OR7C1: variants seen among roughly 807,000 people sequenced by gnomAD.
OR7C1 encodes olfactory receptor 7C1.
For synonymous variants in OR7C1, 152 were observed against 160.7 expected (o/e 0.95, Z 0.41); for missense variants, 324 against 383.3 (o/e 0.85, Z 1.29).
rs114470284 is a variant in OR7C1 at position 14,816,381 on chromosome 19, G to A, written c.-622-6388C>T. ...AAGGAGGCAGACCCACCCTCAATCC[G>A]TGTGGGCACCATCTAATCAGCTGCC... On this transcript the variant is annotated intron_variant, in intron 1 of 4. Transcript: ENST00000641666. Among the ~76,000 whole-genome samples the A allele has an allele frequency of 6.4e-3, 970 of 152,258 alleles. 11 individuals are homozygous for A. Among genetic ancestry groups the A allele is most frequent in the African/African-American group, 0.022 (896 of 41,538 alleles).
At chr19:14,819,456 T>A (rs2044731278) in intron 1 of OR7C1, among the ~76,000 whole-genome samples, 1 of 152,168 alleles carries the variant, frequency 6.6e-6, no homozygotes, top group South Asian at 2.1e-4. Context: ...TTGCTGAGGA[T>A]AATGGCTTTC....
chr19:14,830,953 C>T (rs1176043895), intron 1 of OR7C1, among the ~76,000 whole-genome samples: 1 of 152,158 alleles, frequency 6.6e-6, no homozygotes, highest in Non-Finnish European at 1.5e-5. Flanking sequence ...CGCACAAAGC[C>T]CTCTTCAGCT....
At chr19:14,803,407 G>A (rs545699586) in intron 2 of OR7C1, among the ~76,000 whole-genome samples, 12 of 151,392 alleles carry the variant, frequency 7.9e-5, no homozygotes, top group Non-Finnish European at 1.5e-4. Context: ...CTATTATGCA[G>A]ATGGGGTCTT....
intron 1 of OR7C1, among the ~76,000 whole-genome samples, chr19:14,821,946 G>A (rs901429132): frequency 2.0e-5 from 3 of 152,158 alleles, no homozygotes; most frequent in African/African-American, 7.2e-5. Flanking sequence ...CCCCATGTAC[G>A]AGTGTGCAGA....
Position 14,816,160 on chromosome 19 carries a change from G to A in OR7C1, c.-622-6167C>T, listed in dbSNP as rs879818037. On this transcript the variant is annotated intron_variant, in intron 1 of 4. Transcript: ENST00000641666. ...CTTTAGAGGAAACTTTCAGTGAAAG[G>A]AGCGTACCCCATAAGTGTATATATC... Among the ~76,000 whole-genome samples, 3 of 152,008 alleles carry A rather than the reference G, an allele frequency of 2.0e-5. No individual in the cohort carries two copies. In the East Asian group the frequency reaches 5.8e-4, roughly 29 times the overall value.
intron 1 of OR7C1, among the ~76,000 whole-genome samples, chr19:14,814,430 ATT>A (rs60783847): frequency 6.7e-6 from 1 of 150,114 alleles, no homozygotes; most frequent in Admixed American, 6.7e-5. Flanking sequence ...TTATTTATGT[ATT>A]TTTTTTTTGA....
chr19:14,823,226 T>C (rs1368000643), intron 1 of OR7C1, among the ~76,000 whole-genome samples: 2 of 151,954 alleles, frequency 1.3e-5, no homozygotes, highest in Non-Finnish European at 2.9e-5. Context: ...GCTGAGACGG[T>C]CAGATCACTT....
At chr19:14,799,391 G>A (rs1365411189) in exon 5 of OR7C1, 1 of 1,614,088 alleles carries the variant, frequency 6.2e-7, no homozygotes, top group South Asian at 1.1e-5. Context: ...ATAGAACAAG[G>A]TGACCACTGA....
At chr19:14,828,911 AAAGAATATAAACAAATTAAACAATC>A (rs2044803508) in intron 1 of OR7C1, among the ~76,000 whole-genome samples, 1 of 151,748 alleles carries the variant, frequency 6.6e-6, no homozygotes, top group Non-Finnish European at 1.5e-5. Flanking sequence ...AATGATGAAG[AAAGAATATAAACAAATTAAACAATC>A]GAATATAAAC....
chr19:14,810,646 A>G (rs1388539743), intron 1 of OR7C1, among the ~76,000 whole-genome samples: 1 of 151,566 alleles, frequency 6.6e-6, no homozygotes, highest in East Asian at 1.9e-4. Context: ...CAGCCTCCCA[A>G]AGTGCTGGGA....
chr19:14,819,848 T>C (rs1199079222), intron 1 of OR7C1, among the ~76,000 whole-genome samples: 1 of 152,246 alleles, frequency 6.6e-6, no homozygotes, highest in Non-Finnish European at 1.5e-5. Context: ...GAAACCCATG[T>C]TGATGTGATT....
At chr19:14,812,543 G>A (rs1380570452) in intron 1 of OR7C1, among the ~76,000 whole-genome samples, 1 of 152,016 alleles carries the variant, frequency 6.6e-6, no homozygotes, top group Non-Finnish European at 1.5e-5. Context: ...AATCAATCAT[G>A]ACCCTTTCAT....
intron 1 of OR7C1, among the ~76,000 whole-genome samples, chr19:14,822,371 G>GTTT (rs1452782683): frequency 4.5e-5 from 4 of 89,012 alleles, no homozygotes; most frequent in East Asian, 3.3e-4. Context: ...CTTATCTCCT[G>GTTT]TCTTTTTTTT....
intron 1 of OR7C1, chr19:14,825,092 A>G (rs1205587696): frequency 6.6e-6 from 1 of 152,180 alleles, no homozygotes; most frequent in African/African-American, 2.4e-5. Flanking sequence ...TGAGCCAGGC[A>G]TGGTGGTGTG....
chr19:14,833,415 G>T (rs959416187), intron 1 of OR7C1, among the ~76,000 whole-genome samples: 2 of 152,220 alleles, frequency 1.3e-5, no homozygotes, highest in Admixed American at 6.5e-5. Context: ...GGAAGCGAAG[G>T]TTGCAGTGAG....
exon 5 of OR7C1, chr19:14,799,615 A>C (rs1032952995): frequency 2.2e-5 from 35 of 1,614,026 alleles, no homozygotes; most frequent in Non-Finnish European, 2.8e-5. Flanking sequence ...AAAAGTGTGG[A>C]ATTTCCATTT....
chr19:14,831,006 G>A (rs1374835344), intron 1 of OR7C1, among the ~76,000 whole-genome samples: 1 of 152,158 alleles, frequency 6.6e-6, no homozygotes, highest in Non-Finnish European at 1.5e-5. Flanking sequence ...GCAAGCCTTT[G>A]CCTCCTTGCA....
intron 1 of OR7C1, among the ~76,000 whole-genome samples, chr19:14,823,482 A>T (rs751489870): frequency 2.0e-5 from 3 of 152,118 alleles, no homozygotes; most frequent in Non-Finnish European, 4.4e-5. Flanking sequence ...AATTTGTGTA[A>T]ATTTAAGGGG....
chr19:14,817,790 A>G (rs1000090018), intron 1 of OR7C1, among the ~76,000 whole-genome samples: 9 of 151,738 alleles, frequency 5.9e-5, no homozygotes, highest in African/African-American at 2.2e-4. Context: ...AGTGGTGGGA[A>G]TGGAATTCCA....
Sources: allele counts gnomAD v4.1 joint callset (sites outside exome capture counted in the v4.1 genomes callset), GRCh38; gene constraint gnomAD v4.1.1; transcripts MANE v1.5; gene names NCBI Gene and HGNC (gene_info 2026-07-23, HGNC 2026-07-21).